The following WASF2 variants were observed in gnomAD, a reference collection of about 807,000 sequenced individuals.
WASF2 encodes the protein WASP family member 2.
Under a neutral mutation model 45.0 loss-of-function variants are expected in WASF2, and 14 were observed. The observed-to-expected ratio is 0.31, with a 90% CI of 0.21 to 0.49. The LOEUF (loss-of-function observed/expected upper bound fraction) is 0.49. Ranked by LOEUF, WASF2 falls within the 20% of genes least tolerant of loss-of-function variation. The pLI is 0.99. For missense variants in WASF2, 439 were observed against 636.1 expected (o/e 0.69, Z 3.33); for synonymous variants, 200 against 236.3 (o/e 0.85, Z 1.41).
intron 1 of WASF2, among the ~76,000 whole-genome samples, chr1:27,471,502 T>A (rs1056483355): frequency 6.6e-5 from 10 of 151,548 alleles, no homozygotes; most frequent in African/African-American, 2.4e-4. Flanking sequence ...GTGGTGTACA[T>A]CTGTGGTCCC....
At chr1:27,422,717 C>T (rs2016926433) in intron 2 of WASF2, among the ~76,000 whole-genome samples, 1 of 151,960 alleles carries the variant, frequency 6.6e-6, no homozygotes, top group African/African-American at 2.4e-5. Flanking sequence ...CCTTAGTTTC[C>T]TCATCTGTAA....
At position 27,405,560 on chromosome 1, in the gene WASF2, G is replaced by A. The variant is rs1362242381; in HGVS notation, c.*2629C>T. On this transcript the variant is annotated 3_prime_UTR_variant, in exon 9 of 9. Transcript: ENST00000618852. The stretch of plus-strand genomic sequence containing the variant: ...CCAAAAACAGGATTACCTGCATTGG[G>A]TCCTTTATCATCTTAAAGGGCTCTG... The A allele has an allele frequency of 1.4e-5, 2 of 145,446 alleles. No homozygotes were observed. Among genetic ancestry groups the A allele is most frequent in the Non-Finnish European group, 3.0e-5 (2 of 67,144 alleles). The allele number at this position is 145,446 out of a possible 1,614,324, so 9.0% of individuals were successfully genotyped here. A position where few individuals can be genotyped will look rare whatever the true frequency, so the allele number is the denominator to read the frequency against.
chr1:27,428,033 A>AT (rs2017011612), intron 2 of WASF2, among the ~76,000 whole-genome samples: 1 of 152,156 alleles, frequency 6.6e-6, no homozygotes, highest in African/African-American at 2.4e-5. Context: ...CAATTAAAAA[A>AT]ATATATATAG....
At chr1:27,453,591 CA>C (rs57897316) in intron 1 of WASF2, among the ~76,000 whole-genome samples, 92,735 of 103,056 alleles carry the variant, frequency 0.9, 42,037 homozygotes, top group South Asian at 0.97. Context: ...GACTCTGTCT[CA>C]AAAAAAAAAA....
At chr1:27,478,838 C>T (rs905817161) in intron 1 of WASF2, among the ~76,000 whole-genome samples, 10 of 152,122 alleles carry the variant, frequency 6.6e-5, no homozygotes, top group Non-Finnish European at 1.3e-4. Flanking sequence ...CCCGCCTCGA[C>T]CTCACAAAGT....
rs543019123 is a variant in WASF2 at position 27,454,565 on chromosome 1, T to C, written c.-43-25632A>G. ...GTTGTCCAGGGTGGTCTCGAACTAC[T>C]GGGCTCAAGGGATCCTCCCGCCTTG... is the stretch of plus-strand genomic sequence containing the variant. On this transcript the variant is annotated intron_variant, in intron 1 of 8. Transcript: ENST00000618852. Among the ~76,000 whole-genome samples the C allele has an allele frequency of 5.4e-4, 82 of 152,240 alleles. 1 individual carries two copies. Among genetic ancestry groups the C allele is most frequent in the African/African-American group, 1.9e-3 (81 of 41,558 alleles).
chr1:27,444,993 G>A (rs2017293167), intron 1 of WASF2, among the ~76,000 whole-genome samples: 1 of 152,116 alleles, frequency 6.6e-6, no homozygotes, highest in Non-Finnish European at 1.5e-5. Context: ...CTCTTTTATA[G>A]CAGTCACTAC....
chr1:27,432,498 AT>A (rs1243934049), intron 1 of WASF2, among the ~76,000 whole-genome samples: 2 of 151,712 alleles, frequency 1.3e-5, no homozygotes, highest in Admixed American at 1.3e-4. Flanking sequence ...AATACAAAAA[AT>A]TAGCTGGGCG....
intron 1 of WASF2, among the ~76,000 whole-genome samples, chr1:27,435,118 T>C (rs566588559): frequency 6.6e-6 from 1 of 152,190 alleles, no homozygotes; most frequent in Non-Finnish European, 1.5e-5. Context: ...CACTAATTTT[T>C]GTATTTTTAG....
In WASF2 at chr1:27,410,020, C is replaced by T. The variant is rs1249911645; in HGVS notation, c.1011G>A (p.Pro337=). 8.7e-6 allele frequency: 14 copies of T among 1,612,350 alleles called. No individual in the cohort carries two copies. Among genetic ancestry groups the T allele is most frequent in the East Asian group, 2.2e-5 (1 of 44,812 alleles). The change falls in exon 8 of 9, where the codon CCG becomes CCA. Residue 337 remains proline (P), a synonymous_variant. Coordinates refer to ENST00000618852, the MANE Select transcript of WASF2 (RefSeq NM_006990.5). The surrounding 1 kb of genome is among the most constrained non-coding windows in gnomAD (Gnocchi z 4.2). ...TCCCTGGAGACCCAAATCCTACAGG[C>T]GGTGGTGGAGGTGGGATGCCTATCA... ...PPMIGIPPPP[P]PVGFGSPGTP...
intron 1 of WASF2, among the ~76,000 whole-genome samples, chr1:27,464,066 C>T (rs757780692): frequency 5.3e-5 from 8 of 151,810 alleles, no homozygotes; most frequent in Non-Finnish European, 1.0e-4. Flanking sequence ...TAATTTTGGT[C>T]ATACAAAGCT....
At chr1:27,416,154 C>T in intron 4 of WASF2, 52 bp from the exon 5 acceptor site, 2 of 1,496,538 alleles carry the variant, frequency 1.3e-6, no homozygotes, top group East Asian at 2.3e-5. Context: ...GAGCTCCCAA[C>T]CAAATCCAAT....
chr1:27,433,461 G>A (rs2017092938), intron 1 of WASF2, among the ~76,000 whole-genome samples: 1 of 152,190 alleles, frequency 6.6e-6, no homozygotes, highest in Non-Finnish European at 1.5e-5. Flanking sequence ...TCTATCATCA[G>A]TAGCACCTTA....
At chr1:27,408,499 G>A (rs1467116676) in intron 8 of WASF2, among the ~76,000 whole-genome samples, 153 bp from the exon 9 acceptor site, 1 of 152,220 alleles carries the variant, frequency 6.6e-6, no homozygotes, top group African/African-American at 2.4e-5. Flanking sequence ...AAGAAGATGA[G>A]TTTATGAAAT....
intron 1 of WASF2, among the ~76,000 whole-genome samples, chr1:27,488,584 G>C (rs1477930136): frequency 6.6e-6 from 1 of 152,140 alleles, no homozygotes. Context: ...AGCTCTCTGA[G>C]GTCCTGACAC....
intron 1 of WASF2, among the ~76,000 whole-genome samples, chr1:27,432,431 G>A (rs1026534474): frequency 2.6e-5 from 4 of 151,836 alleles, no homozygotes; most frequent in Non-Finnish European, 4.4e-5. Flanking sequence ...GGCGGATCAC[G>A]AGGTCAGGAG....
At chr1:27,458,037 C>T (rs1171850030) in intron 1 of WASF2, among the ~76,000 whole-genome samples, 2 of 151,900 alleles carry the variant, frequency 1.3e-5, no homozygotes, top group Admixed American at 6.6e-5. Context: ...TGGCTGGGCG[C>T]GGTGGCTCAT....
chr1:27,462,141 C>A (rs1226732821), intron 1 of WASF2, among the ~76,000 whole-genome samples: 2 of 151,524 alleles, frequency 1.3e-5, no homozygotes, highest in Admixed American at 6.6e-5. Context: ...CCGTTCCCGG[C>A]GAATTTTTGT....
At chr1:27,456,798 G>A (rs909846721) in intron 1 of WASF2, among the ~76,000 whole-genome samples, 5 of 149,282 alleles carry the variant, frequency 3.3e-5, no homozygotes, top group Non-Finnish European at 5.9e-5. Context: ...GCAATGGTGC[G>A]ATCTCAGCTC....
Sources: gnomAD v4.1 joint callset for allele counts (sites outside exome capture counted in the v4.1 genomes callset) on GRCh38, gnomAD v4.1.1 for gene constraint, Gnocchi (gnomAD v3.1) non-coding constraint, MANE v1.5 for transcripts, NCBI Gene and HGNC (gene_info 2026-07-23, HGNC 2026-07-21) for gene names.